The following RBPJ variants were observed in gnomAD, a reference collection of about 807,000 sequenced individuals.
RBPJ encodes recombination signal binding protein for immunoglobulin kappa J region, also known as recombining binding protein suppressor of hairless.
RBPJ carries 9 observed loss-of-function variants against 67.8 expected under a neutral mutation model. The ratio of observed to expected loss-of-function variants is 0.13; its 90% CI spans 0.08 to 0.23. RBPJ has a LOEUF of 0.23. Among genes scored for constraint, RBPJ ranks in the 10% least tolerant of loss-of-function variants. The pLI, the probability that RBPJ is intolerant of heterozygous loss-of-function variation, is 1.00. For missense variants in RBPJ, 305 were observed against 595.6 expected (o/e 0.51, Z 5.08); for synonymous variants, 198 against 203.3 (o/e 0.97, Z 0.22).
intron 1 of RBPJ, among the ~76,000 whole-genome samples, chr4:26,325,937 A>G (rs976296825): frequency 6.6e-6 from 1 of 152,176 alleles, no homozygotes; most frequent in African/African-American, 2.4e-5. Flanking sequence ...AATGCTGTAT[A>G]TAATTCTCTT....
intron 3 of RBPJ, among the ~76,000 whole-genome samples, chr4:26,406,775 CA>C (rs992506910): frequency 6.6e-6 from 1 of 152,156 alleles, no homozygotes; most frequent in Non-Finnish European, 1.5e-5. Flanking sequence ...TTTAAGAAAG[CA>C]ATAACATTTC....
chr4:26,288,570 C>A (rs1269924708), intron 1 of RBPJ, among the ~76,000 whole-genome samples: 1 of 152,152 alleles, frequency 6.6e-6, no homozygotes, highest in African/African-American at 2.4e-5. Context: ...CAGACCACAC[C>A]CTAGGAGAGA....
intron 1 of RBPJ, among the ~76,000 whole-genome samples, chr4:26,237,098 G>C (rs1719476501): frequency 6.6e-6 from 1 of 152,146 alleles, no homozygotes; most frequent in East Asian, 1.9e-4. Context: ...CCGGGCTCCT[G>C]AGTACCAACA....
chr4:26,114,127 G>C, the RBPJ span, among the ~76,000 whole-genome samples: 1 of 152,066 alleles, frequency 6.6e-6, no homozygotes, highest in Non-Finnish European at 1.5e-5. Flanking sequence ...CTTCATAGTA[G>C]AATCTGAAGC....
intron 1 of RBPJ, among the ~76,000 whole-genome samples, chr4:26,336,087 A>G (rs1381045092): frequency 6.6e-6 from 1 of 152,218 alleles, no homozygotes; most frequent in Non-Finnish European, 1.5e-5. Flanking sequence ...TTGGAAAGCT[A>G]TGCTGCTGCC....
intron 1 of RBPJ, among the ~76,000 whole-genome samples, chr4:26,258,894 C>T (rs1720437547): frequency 6.6e-6 from 1 of 152,078 alleles, no homozygotes; most frequent in African/African-American, 2.4e-5. Context: ...ACCTCTGCCT[C>T]CTGGGTTCAA....
chr4:26,377,950 C>A (rs1259732709), intron 1 of RBPJ, among the ~76,000 whole-genome samples: 1 of 152,270 alleles, frequency 6.6e-6, no homozygotes, highest in South Asian at 2.1e-4. Flanking sequence ...TGCCCATTAT[C>A]ACTAATAATC....
chr4:26,210,752 C>CTTCTTTCTTTCCTTCTTTCTTTCT (rs1718381468), intron 1 of RBPJ, among the ~76,000 whole-genome samples: 2 of 47,272 alleles, frequency 4.2e-5, no homozygotes, highest in Admixed American at 5.4e-4. Context: ...TCCTTCTTTC[C>CTTCTTTCTTTCCTTCTTTCTTTCT]TTCTTTCTTT....
intron 1 of RBPJ, among the ~76,000 whole-genome samples, chr4:26,285,678 TAAAAAAAAAAAA>T (rs545484809): frequency 4.2e-4 from 40 of 96,268 alleles, no homozygotes; most frequent in Non-Finnish European, 6.4e-4. Flanking sequence ...ACTGATACGT[TAAAAAAAAAAAA>T]AAAAAAAAAA....
intron 1 of RBPJ, among the ~76,000 whole-genome samples, chr4:26,269,312 GT>G (rs1325327271): frequency 3.3e-5 from 5 of 151,354 alleles, no homozygotes; most frequent in Non-Finnish European, 7.4e-5. Flanking sequence ...CTAGAATACA[GT>G]GGCGGGATCT....
chr4:26,337,944 T>C (rs1725044326), intron 1 of RBPJ, among the ~76,000 whole-genome samples: 1 of 151,986 alleles, frequency 6.6e-6, no homozygotes, highest in Non-Finnish European at 1.5e-5. Flanking sequence ...ATAAGCACTT[T>C]TATTTTCCAC....
At chr4:26,298,584 G>A (rs1721963225) in intron 1 of RBPJ, among the ~76,000 whole-genome samples, 2 of 152,166 alleles carry the variant, frequency 1.3e-5, no homozygotes, top group Admixed American at 6.5e-5. Flanking sequence ...AGTATTAAAA[G>A]GATCTTTTTA....
upstream of RBPJ, chr4:26,320,653 C>T: frequency 7.2e-7 from 1 of 1,383,976 alleles, no homozygotes; most frequent in Non-Finnish European, 9.7e-7. Context: ...CGCCTCCTGA[C>T]CCCTCCATTC....
At chr4:26,133,091 C>T in the RBPJ span, among the ~76,000 whole-genome samples, 1 of 152,252 alleles carries the variant, frequency 6.6e-6, no homozygotes, top group Non-Finnish European at 1.5e-5. Flanking sequence ...GGTGAAACCT[C>T]GGTGTGACCC....
intron 2 of RBPJ, among the ~76,000 whole-genome samples, chr4:26,399,576 CA>C (rs1279619720): frequency 6.6e-6 from 1 of 151,454 alleles, no homozygotes; most frequent in African/African-American, 2.4e-5. Context: ...AAACCACAGT[CA>C]AAAAATTGAC....
chr4:26,347,383 G>C (rs1453877920), intron 1 of RBPJ, among the ~76,000 whole-genome samples: 1 of 152,162 alleles, frequency 6.6e-6, no homozygotes, highest in Admixed American at 6.5e-5. Flanking sequence ...AATGGGTAGA[G>C]GTATAGAAGC....
chr4:26,220,126 C>A (rs1718854436), intron 1 of RBPJ, among the ~76,000 whole-genome samples: 1 of 152,104 alleles, frequency 6.6e-6, no homozygotes, highest in Non-Finnish European at 1.5e-5. Flanking sequence ...AGAGTTTGTG[C>A]TCTGAGCCAC....
rs745367600 is a variant in RBPJ, at chr4:26,241,175, C to T, written c.-167+77561C>T. Among the ~76,000 whole-genome samples, 69 of 147,272 alleles carry T rather than the reference C, an allele frequency of 4.7e-4. 3 individuals are homozygous for T. The highest frequency in any genetic ancestry group is 5.9e-4 in the East Asian group (3 of 5,064). On this transcript the variant is annotated intron_variant, in intron 1 of 4. Coordinates refer to the RBPJ transcript ENST00000512351. ...TCGCACCATTGCACTCTAGCCTGGG[C>T]GACAGAGCAAGACCCTGTCTCCAAA... is the stretch of plus-strand genomic sequence containing the variant.
intron 1 of RBPJ, among the ~76,000 whole-genome samples, chr4:26,371,073 C>T (rs1238132922): frequency 6.7e-6 from 1 of 149,512 alleles, no homozygotes; most frequent in African/African-American, 2.5e-5. Flanking sequence ...GAGCGAGACT[C>T]CATCTCAAAA....
Sources: gnomAD v4.1 joint callset for allele counts (sites outside exome capture counted in the v4.1 genomes callset) on GRCh38, gnomAD v4.1.1 for gene constraint, MANE v1.5 for transcripts, NCBI Gene and HGNC (gene_info 2026-07-23, HGNC 2026-07-21) for gene names.